Variants in ENPP1 observed in about 807,000 individuals in gnomAD.
ENPP1 encodes the protein ectonucleotide pyrophosphatase/phosphodiesterase family member 1.
In ENPP1, 73 loss-of-function variants were observed where a neutral mutation model predicts 122.8. The ratio of observed to expected loss-of-function variants is 0.59; its 90% confidence interval spans 0.49 to 0.72. ENPP1 has a LOEUF of 0.72. Among genes scored for constraint, ENPP1 ranks in the 30% least tolerant of loss-of-function variants. The pLI is 0.00. For synonymous variants in ENPP1, 367 were observed against 391.6 expected (o/e 0.94, Z 0.74); for missense variants, 978 against 1,128.1 (o/e 0.87, Z 1.91).
At chr6:131,855,993 T>G (rs569031336) in intron 6 of ENPP1, among the ~76,000 whole-genome samples, 1 of 152,188 alleles carries the variant, frequency 6.6e-6, no homozygotes, top group Non-Finnish European at 1.5e-5. Flanking sequence ...GTATGTGAGG[T>G]GCTTTAAACA....
chr6:131,841,177 G>T (rs116596484), intron 1 of ENPP1, among the ~76,000 whole-genome samples: 48 of 152,286 alleles, frequency 3.2e-4, no homozygotes, highest in African/African-American at 1.1e-3. Context: ...ATGCTCCAAA[G>T]TTCTTCAGGA....
At chr6:131,832,285 T>C (rs936209438) in intron 1 of ENPP1, among the ~76,000 whole-genome samples, 11 of 152,172 alleles carry the variant, frequency 7.2e-5, no homozygotes, top group Admixed American at 2.6e-4. Context: ...TACATAAACC[T>C]TTGTGCCTGA....
At position 131,827,543 on chromosome 6, in the gene ENPP1, A is replaced by G. The variant is rs1344240124; in HGVS notation, c.240+19268A>G. 6.6e-6 allele frequency: 4 copies of G among 609,174 alleles called. No homozygotes were observed. The Admixed American group carries it at 7.5e-5, about 11-fold the overall frequency. 37.7% of individuals were successfully genotyped at this position (609,174 alleles called of 1,614,324 possible). On this transcript the variant is annotated intron_variant, in intron 1 of 24. Coordinates refer to ENST00000647893, the MANE Select transcript of ENPP1 (RefSeq NM_006208.3). ...AGGCTTATATCCTGTAAAAGCCTACATGTCAACTGAACAGTCAATTTAAAG... is the reference window on the plus strand; with the variant it reads ...AGGCTTATATCCTGTAAAAGCCTACGTGTCAACTGAACAGTCAATTTAAAG...
intron 7 of ENPP1, among the ~76,000 whole-genome samples, chr6:131,860,003 C>T (rs191599660): frequency 4.2e-4 from 64 of 152,182 alleles, no homozygotes; most frequent in Admixed American, 3.2e-3. Context: ...GTCCCACGGG[C>T]CTTCAGCTCC....
intron 1 of ENPP1, among the ~76,000 whole-genome samples, chr6:131,840,709 C>A (rs986472584): frequency 6.6e-6 from 1 of 152,180 alleles, no homozygotes; most frequent in Non-Finnish European, 1.5e-5. Flanking sequence ...GAATGCAAGC[C>A]GCCTGAGACC....
intron 3 of ENPP1, 30 bp from the exon 4 acceptor site, chr6:131,851,112 A>G: frequency 6.2e-7 from 1 of 1,613,132 alleles, no homozygotes. Flanking sequence ...TTTGAGACAT[A>G]AAACACATTT....
At chr6:131,813,033 G>A (rs1053134709) in intron 1 of ENPP1, among the ~76,000 whole-genome samples, 1 of 152,006 alleles carries the variant, frequency 6.6e-6, no homozygotes, top group African/African-American at 2.4e-5. Context: ...TAGAGACAGG[G>A]TTTCACTTTG....
At chr6:131,828,034 G>A (rs1781566425) in intron 1 of ENPP1, 2 of 673,008 alleles carry the variant, frequency 3.0e-6, no homozygotes, top group Admixed American at 3.6e-5. Flanking sequence ...AGAACAGTGT[G>A]TGCAAGAGCA....
At chr6:131,882,543 C>T in intron 21 of ENPP1, 69 bp downstream of exon 21, 1 of 1,068,864 alleles carries the variant, frequency 9.4e-7, no homozygotes, top group Non-Finnish European at 1.4e-6. Context: ...TAAATCCTAC[C>T]ATACATTATA....
intron 11 of ENPP1, among the ~76,000 whole-genome samples, chr6:131,867,026 C>T (rs1334840850): frequency 6.6e-6 from 1 of 152,232 alleles, no homozygotes; most frequent in East Asian, 1.9e-4. Context: ...TGCCAAAGCA[C>T]TTGCTTTTCT....
chr6:131,852,664 G>T (rs1781896992), intron 5 of ENPP1, among the ~76,000 whole-genome samples: 1 of 152,050 alleles, frequency 6.6e-6, no homozygotes, highest in Non-Finnish European at 1.5e-5. Context: ...AAAAAGAGAG[G>T]CCATGAATAT....
intron 1 of ENPP1, among the ~76,000 whole-genome samples, chr6:131,845,043 GTTTTTTTTT>G (rs142380855): frequency 2.4e-5 from 2 of 84,984 alleles, no homozygotes; most frequent in Admixed American, 1.4e-4. Flanking sequence ...ATTCTTCATG[GTTTTTTTTT>G]TTTTTTTTTT....
chr6:131,827,662 T>C (rs1781561661), intron 1 of ENPP1: 1 of 631,226 alleles, frequency 1.6e-6, no homozygotes, highest in Admixed American at 2.2e-5. Flanking sequence ...ATAAATGATG[T>C]CCTTCTGCTC....
chr6:131,815,490 T>C (rs1781402287), intron 1 of ENPP1, among the ~76,000 whole-genome samples: 2 of 152,216 alleles, frequency 1.3e-5, no homozygotes, highest in Non-Finnish European at 2.9e-5. Flanking sequence ...GATACGTAGC[T>C]ACTGTTTCAA....
intron 14 of ENPP1, 55 bp downstream of exon 14, chr6:131,872,156 T>C (rs1782170481): frequency 8.1e-7 from 1 of 1,227,408 alleles, no homozygotes; most frequent in Non-Finnish European, 1.2e-6. Flanking sequence ...ATAATATATA[T>C]TGAGAGAAAA....
chr6:131,872,346 A>C (rs1782173000), intron 14 of ENPP1, among the ~76,000 whole-genome samples: 1 of 152,206 alleles, frequency 6.6e-6, no homozygotes, highest in African/African-American at 2.4e-5. Flanking sequence ...AAATAATTTT[A>C]AAACTATTTA....
At position 131,894,559 on chromosome 6, in the gene ENPP1, G is replaced by A. The variant is rs1426007622; in HGVS notation, c.*4048G>A. On this transcript the variant is annotated 3_prime_UTR_variant, in exon 25 of 25. Transcript: ENST00000647893. Reference sequence around the variant, plus strand: ...CTCCCAAAGTGCTAGGATTATAGGCGAGAGCTGCTGTGTGCTTCTTAAGTG... The same window carrying A: ...CTCCCAAAGTGCTAGGATTATAGGCAAGAGCTGCTGTGTGCTTCTTAAGTG... 5.3e-5 allele frequency: 8 copies of A among 152,234 alleles called. No individual in the cohort carries two copies. The highest frequency in any genetic ancestry group is 9.7e-5 in the African/African-American group (4 of 41,446). The allele number at this position is 152,234 out of a possible 1,614,324, so 9.4% of individuals were successfully genotyped here.
intron 18 of ENPP1, chr6:131,877,866 A>AAAAAAAAAAATATAT (rs1562183349): frequency 7.5e-5 from 4 of 53,024 alleles, no homozygotes; most frequent in East Asian, 5.8e-4. Flanking sequence ...AAAAAAAAAA[A>AAAAAAAAAAATATAT]ATATATATAT....
intron 9 of ENPP1, among the ~76,000 whole-genome samples, chr6:131,863,696 C>T (rs952194588): frequency 9.3e-5 from 14 of 150,016 alleles, no homozygotes; most frequent in South Asian, 2.1e-4. Flanking sequence ...AGGCGGATCA[C>T]GAGGTCAGGA....
Sources: gnomAD v4.1 joint callset for allele counts (sites outside exome capture counted in the v4.1 genomes callset) on GRCh38, gnomAD v4.1.1 for gene constraint, MANE v1.5 for transcripts, NCBI Gene and HGNC (gene_info 2026-07-23, HGNC 2026-07-21) for gene names.